Variants in PTPRG observed in about 807,000 individuals in gnomAD.
PTPRG encodes the protein receptor-type tyrosine-protein phosphatase gamma.
A neutral mutation model predicts 165.3 loss-of-function variants in PTPRG; 102 were observed. That is an observed-to-expected ratio of 0.62 (90% confidence interval 0.53 to 0.73). The LOEUF (loss-of-function observed/expected upper bound fraction) is 0.73, where lower values mean the gene tolerates loss of function less well. Ranked by LOEUF, PTPRG falls within the 30% of genes least tolerant of loss-of-function variation. PTPRG has a pLI of 0.00. For synonymous variants in PTPRG, 675 were observed against 669.5 expected, an observed-to-expected ratio of 1.01 and a Z score of -0.13; for missense variants, 1,866 against 1,861.4, an observed-to-expected ratio of 1.00 and a Z score of -0.05.
intron 28 of PTPRG, among the ~76,000 whole-genome samples, chr3:62,288,646 CT>C (rs1702761771): frequency 6.7e-6 from 1 of 149,746 alleles, no homozygotes; most frequent in African/African-American, 2.5e-5. Context: ...GCACTCCAGC[CT>C]GGGCGACAGG....
At chr3:62,132,794 G>C in intron 6 of PTPRG, 126 bp downstream of exon 6, 1 of 862,184 alleles carries the variant, frequency 1.2e-6, no homozygotes, top group East Asian at 2.4e-5. Flanking sequence ...ATGTTGAAGG[G>C]CATTAGAGCC....
At chr3:61,873,506 C>A (rs886442149) in intron 2 of PTPRG, among the ~76,000 whole-genome samples, 1 of 152,066 alleles carries the variant, frequency 6.6e-6, no homozygotes, top group African/African-American at 2.4e-5. Context: ...GCTGTTGATT[C>A]TGTTGTTTCT....
At chr3:61,957,091 A>G (rs1009240360) in intron 2 of PTPRG, among the ~76,000 whole-genome samples, 1 of 152,240 alleles carries the variant, frequency 6.6e-6, no homozygotes, top group Non-Finnish European at 1.5e-5. Context: ...GCTTGTCTAT[A>G]AATATCACCT....
chr3:61,740,848 T>C (rs1255498676), intron 1 of PTPRG, among the ~76,000 whole-genome samples: 5 of 152,200 alleles, frequency 3.3e-5, no homozygotes, highest in African/African-American at 1.2e-4. Context: ...TATGATAAAA[T>C]AGGGAATCTA....
chr3:62,046,404 G>A (rs946508778), intron 4 of PTPRG, among the ~76,000 whole-genome samples: 1 of 152,066 alleles, frequency 6.6e-6, no homozygotes, highest in Non-Finnish European at 1.5e-5. Context: ...TCTTTAGAGA[G>A]GTCAATAGCA....
chr3:61,707,326 T>A (rs2106731746), intron 1 of PTPRG, among the ~76,000 whole-genome samples: 1 of 152,344 alleles, frequency 6.6e-6, no homozygotes, highest in South Asian at 2.1e-4. Flanking sequence ...AGATTTATTA[T>A]AACAAATTGG....
At chr3:62,015,478 C>G (rs1035246375) in intron 4 of PTPRG, among the ~76,000 whole-genome samples, 2 of 152,148 alleles carry the variant, frequency 1.3e-5, no homozygotes, top group Non-Finnish European at 2.9e-5. Flanking sequence ...AGTTTCCTAA[C>G]TTATATTTTT....
chr3:62,184,332 G>A (rs1264292542), intron 8 of PTPRG, among the ~76,000 whole-genome samples: 9 of 152,122 alleles, frequency 5.9e-5, no homozygotes, highest in Admixed American at 5.2e-4. Flanking sequence ...CCCATCTTGA[G>A]CTCTTGGGCA....
chr3:62,166,198 T>TTTTTC (rs1704973534), intron 7 of PTPRG, among the ~76,000 whole-genome samples: 1 of 39,898 alleles, frequency 2.5e-5, no homozygotes, highest in Non-Finnish European at 4.4e-5. Context: ...ATTACAGTTC[T>TTTTTC]TTTTTTTTTT....
intron 4 of PTPRG, among the ~76,000 whole-genome samples, chr3:62,020,984 T>G (rs1415934782): frequency 1.3e-5 from 2 of 152,098 alleles, no homozygotes; most frequent in African/African-American, 4.8e-5. Context: ...CTCATCTATG[T>G]TTTTTAATGC....
At chr3:61,742,410 T>TTTTG in intron 1 of PTPRG, 1 of 1,223,558 alleles carries the variant, frequency 8.2e-7, no homozygotes, top group Non-Finnish European at 1.1e-6. Flanking sequence ...GGAATTTTTT[T>TTTTG]TTTTTTTTTT....
At chr3:61,631,692 A>T in intron 1 of PTPRG, among the ~76,000 whole-genome samples, 1 of 152,336 alleles carries the variant, frequency 6.6e-6, no homozygotes, top group East Asian at 1.9e-4. Context: ...TGTGTTTTCA[A>T]AAGTAGTTTA....
At chr3:61,917,417 T>C (rs2038967792) in intron 2 of PTPRG, among the ~76,000 whole-genome samples, 1 of 152,188 alleles carries the variant, frequency 6.6e-6, no homozygotes, top group African/African-American at 2.4e-5. Context: ...TTGCTCCATG[T>C]CTAACTCATA....
At chr3:61,807,576 T>C (rs2035453058) in intron 2 of PTPRG, among the ~76,000 whole-genome samples, 1 of 152,228 alleles carries the variant, frequency 6.6e-6, no homozygotes, top group Non-Finnish European at 1.5e-5. Flanking sequence ...TTTATATTTT[T>C]CTTTATTTTT....
chr3:61,692,620 G>T (rs2030296374), intron 1 of PTPRG, among the ~76,000 whole-genome samples: 1 of 152,106 alleles, frequency 6.6e-6, no homozygotes. Flanking sequence ...ATTTGGGTAG[G>T]TAAAGGAAAA....
chr3:61,970,914 T>C (rs251039), intron 2 of PTPRG, among the ~76,000 whole-genome samples: 36,207 of 152,128 alleles, frequency 0.24, 4,631 homozygotes, highest in East Asian at 0.49. Context: ...TGGAAAGTTA[T>C]ACCTGCCACT....
chr3:61,804,629 T>G (rs2035354932), intron 2 of PTPRG, among the ~76,000 whole-genome samples: 1 of 152,088 alleles, frequency 6.6e-6, no homozygotes, highest in Non-Finnish European at 1.5e-5. Context: ...TGCTTATTCT[T>G]TATTTTTACT....
At chr3:62,115,398 C>G (rs985665993) in intron 5 of PTPRG, among the ~76,000 whole-genome samples, 1 of 152,028 alleles carries the variant, frequency 6.6e-6, no homozygotes, top group African/African-American at 2.4e-5. Context: ...TAGCATATAT[C>G]AAGAGGTTTT....
intron 5 of PTPRG, among the ~76,000 whole-genome samples, chr3:62,085,214 T>C (rs1198177090): frequency 6.6e-6 from 1 of 152,216 alleles, no homozygotes; most frequent in African/African-American, 2.4e-5. Context: ...CATTATTAAT[T>C]ATTTGGGTTT....
Sources: gnomAD v4.1 joint callset for allele counts (sites outside exome capture counted in the v4.1 genomes callset) on GRCh38, gnomAD v4.1.1 for gene constraint, MANE v1.5 for transcripts, NCBI Gene and HGNC (gene_info 2026-07-23, HGNC 2026-07-21) for gene names.